The following MLKL variants were observed in gnomAD, a reference collection of about 807,000 sequenced individuals.
MLKL encodes mixed lineage kinase domain-like protein.
Under a neutral mutation model 56.5 loss-of-function variants are expected in MLKL, and 55 were observed. That is an observed-to-expected ratio of 0.97 (90% CI 0.78 to 1.22). The LOEUF is 1.22. Ranked by LOEUF, MLKL falls within the 50% of genes most tolerant of loss-of-function variation. The pLI is 0.00. For synonymous variants in MLKL, 251 were observed against 208.3 expected (o/e 1.20, Z -1.76); for missense variants, 694 against 573.9 (o/e 1.21, Z -2.14).
At chr16:74,675,919 G>T in intron 7 of MLKL, 155 bp from the exon 8 acceptor site, 1 of 771,138 alleles carries the variant, frequency 1.3e-6, no homozygotes, top group Non-Finnish European at 2.1e-6. Flanking sequence ...TACTTTATTG[G>T]TTAACATTAT....
Position 74,672,387 on chromosome 16 carries a change from G to T in MLKL, c.*117C>A. On this transcript the variant is annotated 3_prime_UTR_variant, in exon 11 of 11. Transcript: ENST00000308807. Reference sequence around the variant, plus strand: ...TTTTCTATTTGTAACAGAGAAGCGTGCCCACTCCTTGCACCCATAGATAAC... The same window carrying T: ...TTTTCTATTTGTAACAGAGAAGCGTTCCCACTCCTTGCACCCATAGATAAC... The T allele has an allele frequency of 1.2e-6, 1 of 868,752 alleles. No individual in the cohort carries two copies. 53.8% of individuals were successfully genotyped at this position (868,752 alleles called of 1,614,324 possible).
rs370898401 is a variant in MLKL, at chr16:74,686,603, T to C, written c.723-1020A>G. 5.3e-5 allele frequency among the ~76,000 whole-genome samples: 8 copies of C among 152,272 alleles called. No individual in the cohort carries two copies. The South Asian group carries it at 8.3e-4, about 16-fold the overall frequency. On this transcript the variant is annotated intron_variant, in intron 4 of 10. Transcript: ENST00000308807. ...GTCTCCACACACACACAAAAAAAGA[T>C]ATTTATTAAGTGAAATCTTATAACC...
chr16:74,691,823 G>A (rs1960699380), intron 3 of MLKL, among the ~76,000 whole-genome samples: 1 of 152,028 alleles, frequency 6.6e-6, no homozygotes, highest in Non-Finnish European at 1.5e-5. Flanking sequence ...ATCTGGCGTA[G>A]TCATTTCAGA....
chr16:74,682,892 T>G, intron 5 of MLKL, 106 bp from the exon 6 acceptor site: 1 of 1,329,760 alleles, frequency 7.5e-7, no homozygotes, highest in East Asian at 2.5e-5. Flanking sequence ...TTGGCTCTGC[T>G]GAGTCCCATT....
intron 1 of MLKL, among the ~76,000 whole-genome samples, chr16:74,696,947 A>C (rs78241119): frequency 7.2e-6 from 1 of 138,948 alleles, no homozygotes; most frequent in African/African-American, 3.0e-5. Context: ...TAATATATAT[A>C]ATATTACATA....
intron 6 of MLKL, among the ~76,000 whole-genome samples, chr16:74,679,924 C>G (rs1959836876): frequency 6.6e-6 from 1 of 152,134 alleles, no homozygotes; most frequent in Non-Finnish European, 1.5e-5. Context: ...AGAAATCAAG[C>G]AAGAGGTTGA....
At chr16:74,699,581 A>G (rs990986640) in intron 1 of MLKL, among the ~76,000 whole-genome samples, 2 of 152,300 alleles carry the variant, frequency 1.3e-5, no homozygotes, top group Middle Eastern at 3.4e-3. Context: ...GTGTTTGTAG[A>G]TAGATGGCTA....
chr16:74,687,590 T>C (rs1960409839), intron 4 of MLKL, among the ~76,000 whole-genome samples: 1 of 152,164 alleles, frequency 6.6e-6, no homozygotes, highest in Non-Finnish European at 1.5e-5. Flanking sequence ...GACAGTATAG[T>C]GCTATCATAA....
intron 1 of MLKL, among the ~76,000 whole-genome samples, chr16:74,697,554 C>T (rs548335665): frequency 9.9e-5 from 15 of 152,136 alleles, no homozygotes; most frequent in Non-Finnish European, 1.9e-4. Flanking sequence ...GATGAAGATA[C>T]CATCTGGGCA....
chr16:74,674,873 A>G (rs976751005), intron 10 of MLKL, 87 bp downstream of exon 10: 18 of 1,497,578 alleles, frequency 1.2e-5, no homozygotes, highest in Non-Finnish European at 1.6e-5. Flanking sequence ...GTTGTAAACT[A>G]CTGCCTTGGA....
rs372192402 is a variant in MLKL, at chr16:74,675,453, C to T, written c.1191-49G>A. Reference sequence around the variant, plus strand: ...ACAACCATAACTAGTCTCCCCTTTCCCCTGTCCCTCTAGCCACTGCCAGAA... The same window carrying T: ...ACAACCATAACTAGTCTCCCCTTTCTCCTGTCCCTCTAGCCACTGCCAGAA... On this transcript the variant is annotated intron_variant, in intron 8 of 10. Coordinates refer to ENST00000308807, the MANE Select transcript of MLKL (RefSeq NM_152649.4). 23 of 1,600,356 alleles carry T rather than the reference C, an allele frequency of 1.4e-5. No individual in the cohort carries two copies. The African/African-American group carries it at 2.5e-4, about 18-fold the overall frequency.
At chr16:74,690,374 T>C (rs933235712) in intron 4 of MLKL, among the ~76,000 whole-genome samples, 1 of 152,176 alleles carries the variant, frequency 6.6e-6, no homozygotes, top group Non-Finnish European at 1.5e-5. Flanking sequence ...CCATGGCCCA[T>C]CATTTTCTCT....
intron 9 of MLKL, 125 bp downstream of exon 9, chr16:74,675,230 G>T: frequency 1.3e-6 from 2 of 1,556,274 alleles, no homozygotes; most frequent in South Asian, 2.3e-5. Context: ...CGATTCCACT[G>T]ACCAGCCCAG....
chr16:74,681,855 A>G (rs1353483292), intron 6 of MLKL, among the ~76,000 whole-genome samples: 1 of 152,124 alleles, frequency 6.6e-6, no homozygotes, highest in African/African-American at 2.4e-5. Context: ...AGTTTCTGAT[A>G]AGCAATGAAT....
At chr16:74,675,145 C>T (rs561901694) in intron 9 of MLKL, 45 bp from the exon 10 acceptor site, 20 of 1,607,270 alleles carry the variant, frequency 1.2e-5, no homozygotes, top group Non-Finnish European at 1.6e-5. Context: ...CTCCGCTACT[C>T]GTACATCTCT....
chr16:74,690,274 G>A (rs1427860196), intron 4 of MLKL, among the ~76,000 whole-genome samples: 2 of 152,196 alleles, frequency 1.3e-5, no homozygotes, highest in East Asian at 3.8e-4. Context: ...ATAACACTAA[G>A]GGTTGGTGAG....
chr16:74,672,417 T>C lies in MLKL; in HGVS notation c.*87A>G, dbSNP rs539460856. 1,978 of 1,286,084 alleles carry C rather than the reference T, an allele frequency of 1.5e-3. 33 individuals are homozygous for C. Among genetic ancestry groups the C allele is most frequent in the South Asian group, 0.013 (1,094 of 81,658 alleles). 79.7% of individuals were successfully genotyped at this position (1,286,084 alleles called of 1,614,324 possible). ...CTCCTTGCACCCATAGATAACCCAA[T>C]GCCGAAGGATATGAGAGAGAGAGAT... On this transcript the variant is annotated 3_prime_UTR_variant, in exon 11 of 11. Transcript: ENST00000308807.
chr16:74,682,913 T>C, intron 5 of MLKL, 127 bp from the exon 6 acceptor site: 1 of 1,133,542 alleles, frequency 8.8e-7, no homozygotes, highest in East Asian at 2.6e-5. Context: ...TCTCCCCCAA[T>C]CCTCAGCCCA....
intron 10 of MLKL, among the ~76,000 whole-genome samples, chr16:74,674,734 C>T (rs1959476142): frequency 6.6e-6 from 1 of 152,136 alleles, no homozygotes; most frequent in South Asian, 2.1e-4. Context: ...TGAGCAACCG[C>T]ACCCAGCCAT....
Sources: allele counts gnomAD v4.1 joint callset (sites outside exome capture counted in the v4.1 genomes callset), GRCh38; gene constraint gnomAD v4.1.1; transcripts MANE v1.5; gene names NCBI Gene and HGNC (gene_info 2026-07-23, HGNC 2026-07-21).